The following CD99L2 variants were observed in gnomAD, a reference collection of about 807,000 sequenced individuals.
The protein encoded by CD99L2 is CD99 molecule like 2.
Under a neutral mutation model 27.3 loss-of-function variants are expected in CD99L2, and 24 were observed. That is an observed-to-expected ratio of 0.88 (90% CI 0.64 to 1.24). The LOEUF (loss-of-function observed/expected upper bound fraction) is 1.24. Ranked by LOEUF, CD99L2 falls within the 50% of genes most tolerant of loss-of-function variation. CD99L2 has a pLI of 0.00. For synonymous variants in CD99L2, 97 were observed against 87.9 expected (o/e 1.10, Z -0.58); for missense variants, 255 against 221.6 (o/e 1.15, Z -0.96).
At chrX:150,770,618 C>T (rs2043429346) in intron 9 of CD99L2, among the ~76,000 whole-genome samples, 2 of 112,919 alleles carry the variant, frequency 1.8e-5, no homozygotes, top group Admixed American at 1.9e-4. Context: ...CGAAGGCTTC[C>T]GGCACTCCAT....
chrX:150,798,342 G>GAGGA (rs1327022311), intron 4 of CD99L2, among the ~76,000 whole-genome samples: 3 of 105,716 alleles, frequency 2.8e-5, no homozygotes, highest in Non-Finnish European at 5.9e-5. Flanking sequence ...GAAAGGAAAG[G>GAGGA]AGGAAGGAAG....
At chrX:150,860,717 T>C (rs1603307750) in intron 1 of CD99L2, among the ~76,000 whole-genome samples, 2 of 111,624 alleles carry the variant, frequency 1.8e-5, no homozygotes, top group South Asian at 3.7e-4. Flanking sequence ...CTATTTGCAA[T>C]AGTTACCAAA....
chrX:150,838,801 G>A (rs146012826), intron 1 of CD99L2, among the ~76,000 whole-genome samples: 187 of 105,770 alleles, frequency 1.8e-3, no homozygotes, highest in African/African-American at 5.7e-3. Flanking sequence ...GCAATCCTCC[G>A]GCCTTGGCCT....
intron 1 of CD99L2, among the ~76,000 whole-genome samples, chrX:150,898,054 A>AACCC (rs2047641582): frequency 1.0e-4 from 3 of 29,924 alleles, no homozygotes; most frequent in East Asian, 1.5e-3. Flanking sequence ...CGCCTCGCTG[A>AACCC]CCCCCCCCCC....
intron 1 of CD99L2, among the ~76,000 whole-genome samples, chrX:150,861,310 C>G (rs1446810082): frequency 1.8e-5 from 2 of 110,880 alleles, no homozygotes; most frequent in Admixed American, 9.6e-5. Context: ...CCAAAGCAAT[C>G]CTGAGCAAAA....
At chrX:150,800,689 CA>C (rs1315162175) in intron 4 of CD99L2, among the ~76,000 whole-genome samples, 2 of 111,079 alleles carry the variant, frequency 1.8e-5, no homozygotes, top group East Asian at 5.6e-4. Flanking sequence ...CTGAATAATA[CA>C]GTTAAAAATG....
intron 1 of CD99L2, among the ~76,000 whole-genome samples, chrX:150,837,442 G>A (rs2046550340): frequency 9.0e-6 from 1 of 111,047 alleles, no homozygotes; most frequent in South Asian, 3.8e-4. Flanking sequence ...TAGAGACAGG[G>A]TTTCACTATG....
intron 1 of CD99L2, among the ~76,000 whole-genome samples, chrX:150,831,639 C>T (rs532039243): frequency 3.6e-5 from 4 of 111,172 alleles, no homozygotes; most frequent in African/African-American, 1.3e-4. Flanking sequence ...GAAAAATAAC[C>T]AATGGGTGCT....
chrX:150,837,252 AT>A (rs1169617487), intron 1 of CD99L2, among the ~76,000 whole-genome samples: 1,917 of 102,913 alleles, frequency 0.019, 28 homozygotes, highest in African/African-American at 0.053. Context: ...AAGTATTATT[AT>A]TTTTTTTTTT....
At chrX:150,851,431 G>T (rs1275216442) in intron 1 of CD99L2, among the ~76,000 whole-genome samples, 1 of 111,679 alleles carries the variant, frequency 9.0e-6, no homozygotes, top group African/African-American at 3.3e-5. Context: ...AGGAGCTGAG[G>T]CTCAGATAGA....
At chrX:150,795,108 G>A (rs2045772181) in intron 6 of CD99L2, 98 bp downstream of exon 6, 12 of 967,041 alleles carry the variant, frequency 1.2e-5, no homozygotes, top group Admixed American at 4.5e-5. Flanking sequence ...GGGTTCTCCA[G>A]TGGCTTGAAG....
chrX:150,897,842 C>A (rs1440268649), intron 1 of CD99L2, among the ~76,000 whole-genome samples: 1 of 110,762 alleles, frequency 9.0e-6, no homozygotes, highest in Non-Finnish European at 1.9e-5. Flanking sequence ...GGGGGCGGGG[C>A]GTGAGATGCT....
At chrX:150,777,828 G>C (rs1049370284) in intron 7 of CD99L2, among the ~76,000 whole-genome samples, 2 of 111,920 alleles carry the variant, frequency 1.8e-5, no homozygotes, top group Non-Finnish European at 3.8e-5. Context: ...TAAGTGGGGG[G>C]TGGGGTGGGG....
chrX:150,808,399 C>G (rs1320908872), intron 4 of CD99L2, among the ~76,000 whole-genome samples: 1 of 112,400 alleles, frequency 8.9e-6, no homozygotes, highest in Admixed American at 9.4e-5. Context: ...CCTGCTGGCC[C>G]TTAGCATGAA....
intron 4 of CD99L2, among the ~76,000 whole-genome samples, chrX:150,801,926 A>G (rs2045913886): frequency 8.9e-6 from 1 of 112,133 alleles, no homozygotes; most frequent in African/African-American, 3.2e-5. Flanking sequence ...GAACATCTAG[A>G]AAACACCTAT....
chrX:150,881,893 C>T (rs1557422502), intron 1 of CD99L2, among the ~76,000 whole-genome samples: 1 of 106,651 alleles, frequency 9.4e-6, no homozygotes, highest in East Asian at 2.9e-4. Context: ...TCTCAGCTCA[C>T]TGCAACCTCC....
In CD99L2 at chrX:150,898,595, G is replaced by A. The variant is rs782695398; in HGVS notation, c.-7C>T. On this transcript the variant is annotated 5_prime_UTR_variant, in exon 1 of 11. Transcript: ENST00000370377. Reference sequence around the variant, plus strand: ...CCGAGCGCCAGGCCACCATGGCTGGGAGCAGGCGGAGGGCCCCGGAGGAGC... The same window carrying A: ...CCGAGCGCCAGGCCACCATGGCTGGAAGCAGGCGGAGGGCCCCGGAGGAGC... The A allele has an allele frequency of 1.8e-6, 2 of 1,104,323 alleles. No individual in the cohort carries two copies. Among genetic ancestry groups the A allele is most frequent in the South Asian group, 4.3e-5 (2 of 47,018 alleles). 91.0% of individuals were successfully genotyped at this position (1,104,323 alleles called of 1,213,427 possible).
chrX:150,812,539 T>C (rs1276982388), intron 4 of CD99L2, among the ~76,000 whole-genome samples: 2 of 111,687 alleles, frequency 1.8e-5, no homozygotes, highest in Non-Finnish European at 3.8e-5. Context: ...AAAATGGAAA[T>C]AGTGATAGCA....
rs782353700 is a variant in CD99L2, at chrX:150,767,017, C to G, written c.*2017G>C. On this transcript the variant is annotated 3_prime_UTR_variant, in exon 11 of 11. Transcript: ENST00000370377. ...CTCACAGACAGCACATATTCTACGTCACAGCTCTAGGGTTTCAAGGACTTA... is the reference window on the plus strand; with the variant it reads ...CTCACAGACAGCACATATTCTACGTGACAGCTCTAGGGTTTCAAGGACTTA... 4 of 111,823 alleles carry G rather than the reference C, an allele frequency of 3.6e-5. No individual in the cohort carries two copies. The highest frequency in any genetic ancestry group is 1.3e-4 in the African/African-American group (4 of 30,697). The allele number at this position is 111,823 out of a possible 1,213,427, so 9.2% of individuals were successfully genotyped here.
Sources: allele counts gnomAD v4.1 joint callset (sites outside exome capture counted in the v4.1 genomes callset), GRCh38; gene constraint gnomAD v4.1.1; transcripts MANE v1.5; gene names NCBI Gene and HGNC (gene_info 2026-07-23, HGNC 2026-07-21).